ATP10B: variants seen among roughly 807,000 people sequenced by gnomAD.
The protein encoded by ATP10B is ATPase phospholipid transporting 10B (putative).
In ATP10B, 122 loss-of-function variants were observed where a neutral mutation model predicts 141.2. That is an observed-to-expected ratio of 0.86 (90% CI 0.75 to 1.00). ATP10B has a LOEUF of 1.00. Among genes scored for constraint, ATP10B ranks in the 50% least tolerant of loss-of-function variants. The pLI, the probability that ATP10B is intolerant of heterozygous loss-of-function variation, is 0.00. For missense variants in ATP10B, 1,876 were observed against 1,825.3 expected (o/e 1.03, Z -0.51); for synonymous variants, 685 against 692.0 (o/e 0.99, Z 0.16).
intron 3 of ATP10B, among the ~76,000 whole-genome samples, chr5:160,701,254 A>C (rs1442353511): frequency 6.6e-6 from 1 of 152,180 alleles, no homozygotes; most frequent in Non-Finnish European, 1.5e-5. Context: ...ACAAAACTTA[A>C]ACATAATTTA....
At chr5:160,857,295 T>C in the ATP10B span, among the ~76,000 whole-genome samples, 376 of 147,482 alleles carry the variant, frequency 2.5e-3, 2 homozygotes, top group African/African-American at 8.9e-3. Context: ...TAGTTTGTAT[T>C]TTTTTTTTTA....
intron 13 of ATP10B, among the ~76,000 whole-genome samples, chr5:160,630,565 T>G (rs1430983395): frequency 6.6e-6 from 1 of 152,210 alleles, no homozygotes; most frequent in Admixed American, 6.5e-5. Flanking sequence ...AATCTGTGCC[T>G]AATGAGAATT....
the ATP10B span, among the ~76,000 whole-genome samples, chr5:160,901,341 T>A: frequency 2.0e-5 from 3 of 152,220 alleles, no homozygotes; most frequent in African/African-American, 7.2e-5. Flanking sequence ...CTTCCCCACT[T>A]GATTTTGAAT....
At chr5:160,721,944 C>T (rs1766026480) in intron 2 of ATP10B, among the ~76,000 whole-genome samples, 1 of 152,202 alleles carries the variant, frequency 6.6e-6, no homozygotes, top group Non-Finnish European at 1.5e-5. Context: ...ACTAGCTCTG[C>T]TTCTTTCTAG....
chr5:160,914,274 C>A, the ATP10B span, among the ~76,000 whole-genome samples: 2 of 152,026 alleles, frequency 1.3e-5, no homozygotes, highest in African/African-American at 2.4e-5. Flanking sequence ...TAAAACACTA[C>A]CCTATTCTAA....
the ATP10B span, among the ~76,000 whole-genome samples, chr5:160,916,077 T>C: frequency 1.3e-5 from 2 of 152,076 alleles, no homozygotes; most frequent in African/African-American, 2.4e-5. Context: ...CCCACTGAGG[T>C]AGGAACTTTA....
At chr5:160,867,844 G>A in the ATP10B span, among the ~76,000 whole-genome samples, 3 of 152,078 alleles carry the variant, frequency 2.0e-5, no homozygotes, top group Admixed American at 6.5e-5. Flanking sequence ...AAAGCATTAA[G>A]TAAATCACTC....
chr5:160,617,855 T>A lies in ATP10B; in HGVS notation c.2526+9A>T. 6.2e-7 allele frequency: 1 copy of A among 1,609,074 alleles called. No individual in the cohort carries two copies. Among genetic ancestry groups the A allele is most frequent in the African/African-American group, 1.3e-5 (1 of 74,974 alleles). ...ATATTCAAAGCACGCTTGGAGGAAT[T>A]GTTCTTACCTTCTTGGCAATGCATA... On this transcript the variant is annotated intron_variant, in intron 16 of 25. Transcript: ENST00000327245.
At chr5:160,840,045 G>A (rs1041561161) in intron 1 of ATP10B, among the ~76,000 whole-genome samples, 3 of 151,930 alleles carry the variant, frequency 2.0e-5, no homozygotes, top group African/African-American at 7.2e-5. Context: ...ATGTTCAAAT[G>A]TATATGAAGA....
In ATP10B at chr5:160,603,581, C is replaced by T. The variant is rs186029551; in HGVS notation, c.3237+384G>A. 78 of 218,330 alleles carry T rather than the reference C, an allele frequency of 3.6e-4. No homozygotes were observed. In the East Asian group the frequency reaches 6.0e-3, roughly 17 times the overall value. 13.5% of individuals were successfully genotyped at this position (218,330 alleles called of 1,614,324 possible). A position where few individuals can be genotyped will look rare whatever the true frequency, so the allele number is the denominator to read the frequency against. ...ACAGATTGCTGGCATATAGGAGATACGCAAAAGTTAACATTTCAGAACTAT... is the reference window on the plus strand; with the variant it reads ...ACAGATTGCTGGCATATAGGAGATATGCAAAAGTTAACATTTCAGAACTAT... On this transcript the variant is annotated intron_variant, in intron 20 of 25. Coordinates refer to ENST00000327245, the MANE Select transcript of ATP10B (RefSeq NM_025153.3).
At position 160,806,711 on chromosome 5, in the gene ATP10B, C is replaced by T. The variant is rs546662338; in HGVS notation, c.-575-20908G>A. 5.9e-5 allele frequency among the ~76,000 whole-genome samples: 9 copies of T among 152,302 alleles called. No homozygotes were observed. In the South Asian group the frequency reaches 1.9e-3, roughly 32 times the overall value. ...CTCAACAACCCTATTTACACAGATG[C>T]TATTTTTATTCCCATTTTATAGTTG... On this transcript the variant is annotated intron_variant, in intron 1 of 25. Transcript: ENST00000327245.
intron 1 of ATP10B, among the ~76,000 whole-genome samples, chr5:160,843,463 G>A (rs987941003): frequency 6.6e-6 from 1 of 151,506 alleles, no homozygotes; most frequent in Non-Finnish European, 1.5e-5. Flanking sequence ...CAACAAAGAG[G>A]AGTATCTAAG....
intron 2 of ATP10B, among the ~76,000 whole-genome samples, chr5:160,743,846 T>C (rs1767634887): frequency 6.6e-6 from 1 of 152,164 alleles, no homozygotes; most frequent in African/African-American, 2.4e-5. Context: ...GAGACAGTTT[T>C]GATTGTCGAA....
intron 1 of ATP10B, among the ~76,000 whole-genome samples, chr5:160,840,785 A>G (rs1465687979): frequency 6.6e-6 from 1 of 152,170 alleles, no homozygotes; most frequent in Non-Finnish European, 1.5e-5. Flanking sequence ...AGCAAAATGA[A>G]CAAAAGAAAA....
the ATP10B span, among the ~76,000 whole-genome samples, chr5:160,872,973 A>C: frequency 6.6e-6 from 1 of 152,114 alleles, no homozygotes; most frequent in Admixed American, 6.5e-5. Context: ...TGGTATGTTC[A>C]TTTTCACAAT....
At chr5:160,586,379 A>T (rs1363541409) in intron 24 of ATP10B, among the ~76,000 whole-genome samples, 1 of 151,960 alleles carries the variant, frequency 6.6e-6, no homozygotes, top group Non-Finnish European at 1.5e-5. Context: ...CCAATCTGTC[A>T]TTGGGTATTT....
chr5:160,602,859 AC>A, intron 20 of ATP10B, 157 bp from the exon 21 acceptor site: 1 of 863,380 alleles, frequency 1.2e-6, no homozygotes. Context: ...GGATTCTGAC[AC>A]CCCACCCTCC....
intron 2 of ATP10B, among the ~76,000 whole-genome samples, chr5:160,756,592 G>A (rs1181007752): frequency 6.6e-6 from 1 of 152,014 alleles, no homozygotes; most frequent in African/African-American, 2.4e-5. Flanking sequence ...TTTCATTGTG[G>A]TTCCAATTTT....
chr5:160,851,994 T>C lies in ATP10B; in HGVS notation c.-629A>G, dbSNP rs998998376. On this transcript the variant is annotated 5_prime_UTR_variant, in exon 1 of 26. Transcript: ENST00000327245. ...AGACTCCAGTAGAAGAAAACAGTGC[T>C]TGAAAGTGGCGGTATTTCTCTCGCA... is the stretch of plus-strand genomic sequence containing the variant. 1.3e-5 allele frequency: 2 copies of C among 152,196 alleles called. No individual in the cohort carries two copies. Among genetic ancestry groups the C allele is most frequent in the African/African-American group, 4.8e-5 (2 of 41,452 alleles). 9.4% of individuals were successfully genotyped at this position (152,196 alleles called of 1,614,324 possible). A position where few individuals can be genotyped will look rare whatever the true frequency, so the allele number is the denominator to read the frequency against.
Sources: allele counts gnomAD v4.1 joint callset (sites outside exome capture counted in the v4.1 genomes callset), GRCh38; gene constraint gnomAD v4.1.1; transcripts MANE v1.5; gene names NCBI Gene and HGNC (gene_info 2026-07-23, HGNC 2026-07-21).